The following RBFOX3 variants were observed in gnomAD, a reference collection of about 807,000 sequenced individuals.
RBFOX3 encodes RNA binding protein fox-1 homolog 3.
A neutral mutation model predicts 48.7 loss-of-function variants in RBFOX3; 17 were observed. The observed-to-expected ratio is 0.35, with a 90% CI of 0.24 to 0.52. The LOEUF is 0.52. Ranked by LOEUF, RBFOX3 falls within the 20% of genes least tolerant of loss-of-function variation. The probability of loss-of-function intolerance (pLI) is 0.94; values close to 1 mark genes in which losing one functional copy is unlikely to be tolerated. For missense variants in RBFOX3, 382 were observed against 497.5 expected (o/e 0.77, Z 2.21); for synonymous variants, 212 against 209.5 (o/e 1.01, Z -0.10).
At chr17:79,526,526 A>G (rs2086823622) in intron 1 of RBFOX3, among the ~76,000 whole-genome samples, 1 of 152,092 alleles carries the variant, frequency 6.6e-6, no homozygotes, top group African/African-American at 2.4e-5. Flanking sequence ...CCCCGGACGC[A>G]CTCTTGGACC....
At chr17:79,655,012 A>G in the RBFOX3 span, among the ~76,000 whole-genome samples, 4 of 152,212 alleles carry the variant, frequency 2.6e-5, no homozygotes, top group Non-Finnish European at 5.9e-5. Flanking sequence ...CGACTGGACC[A>G]TGCCATTAGC....
intron 1 of RBFOX3, among the ~76,000 whole-genome samples, chr17:79,562,858 C>T (rs1009985742): frequency 1.0e-3 from 152 of 152,296 alleles, no homozygotes; most frequent in African/African-American, 2.6e-3. Context: ...GTAAGGGGCT[C>T]GTACCCACCC....
intron 1 of RBFOX3, among the ~76,000 whole-genome samples, chr17:79,563,848 G>A (rs941379363): frequency 5.9e-5 from 9 of 152,234 alleles, no homozygotes; most frequent in African/African-American, 2.2e-4. Context: ...AATATTTGTT[G>A]GGTAAACCAG....
the RBFOX3 span, among the ~76,000 whole-genome samples, chr17:79,622,329 C>A: frequency 6.6e-6 from 1 of 152,092 alleles, no homozygotes; most frequent in African/African-American, 2.4e-5. Flanking sequence ...GCATCTGTCA[C>A]GGGGAGTGGC....
chr17:79,299,997 C>T lies in RBFOX3; in HGVS notation c.-74+7727G>A, dbSNP rs983479777. On this transcript the variant is annotated intron_variant, in intron 3 of 14. Coordinates refer to ENST00000693108, the MANE Select transcript of RBFOX3 (RefSeq NM_001350451.2). The surrounding 1 kb of genome is among the most constrained non-coding windows in gnomAD (Gnocchi z 4.5). ...TCGGCTCACTGCAACCTCTGCCTCCCGGGTTCCAGTAATTCTCCCAACTCA... is the reference window on the plus strand; with the variant it reads ...TCGGCTCACTGCAACCTCTGCCTCCTGGGTTCCAGTAATTCTCCCAACTCA... Among the ~76,000 whole-genome samples, 6 of 152,156 alleles carry T rather than the reference C, an allele frequency of 3.9e-5. No individual in the cohort carries two copies. The highest frequency in any genetic ancestry group is 2.1e-4 in the South Asian group (1 of 4,808).
intron 1 of RBFOX3, among the ~76,000 whole-genome samples, chr17:79,570,959 G>A (rs1022161832): frequency 1.6e-4 from 25 of 152,080 alleles, no homozygotes; most frequent in African/African-American, 5.8e-4. Context: ...GAAGGATGAG[G>A]GGGGGCCCCC....
chr17:79,573,367 G>T (rs1322058608), intron 1 of RBFOX3, among the ~76,000 whole-genome samples: 5 of 152,220 alleles, frequency 3.3e-5, no homozygotes, highest in African/African-American at 1.2e-4. Flanking sequence ...ACACCTGTGG[G>T]ACGACTCTGG....
intron 1 of RBFOX3, among the ~76,000 whole-genome samples, chr17:79,553,713 G>T (rs2091358754): frequency 2.0e-5 from 3 of 151,850 alleles, no homozygotes; most frequent in Non-Finnish European, 4.4e-5. Flanking sequence ...TTTTCTTGGG[G>T]TTTTTTTGTT....
At chr17:79,201,124 G>A (rs2056690220) in intron 4 of RBFOX3, among the ~76,000 whole-genome samples, 1 of 151,860 alleles carries the variant, frequency 6.6e-6, no homozygotes, top group Non-Finnish European at 1.5e-5. Flanking sequence ...ACAACAAGAG[G>A]TGCATCAGAT....
At chr17:79,553,936 G>A (rs1306788556) in intron 1 of RBFOX3, among the ~76,000 whole-genome samples, 4 of 152,206 alleles carry the variant, frequency 2.6e-5, no homozygotes, top group African/African-American at 9.6e-5. Flanking sequence ...GTTTCACCAC[G>A]TTGGCCAGAT....
chr17:79,121,973 C>T (rs1490140974), intron 4 of RBFOX3, among the ~76,000 whole-genome samples: 2 of 152,112 alleles, frequency 1.3e-5, no homozygotes, highest in Non-Finnish European at 2.9e-5. Flanking sequence ...GTTTGACGTG[C>T]CCCCAAAGGG....
At chr17:79,590,185 G>T (rs991575470) in intron 1 of RBFOX3, among the ~76,000 whole-genome samples, 1 of 152,096 alleles carries the variant, frequency 6.6e-6, no homozygotes, top group Non-Finnish European at 1.5e-5. Context: ...CTATACCCAG[G>T]ATAAGAACCC....
chr17:79,555,688 G>A (rs975321700), intron 1 of RBFOX3, among the ~76,000 whole-genome samples: 1 of 11,990 alleles, frequency 8.3e-5, no homozygotes, highest in Non-Finnish European at 2.1e-4. Context: ...CATGATGGTG[G>A]TGATGGTGGT....
intron 1 of RBFOX3, among the ~76,000 whole-genome samples, chr17:79,511,509 A>C: frequency 6.6e-6 from 1 of 152,158 alleles, no homozygotes; most frequent in Admixed American, 6.5e-5. Context: ...AAGGGGATGC[A>C]GCAGTTCTGC....
the RBFOX3 span, among the ~76,000 whole-genome samples, chr17:79,649,016 T>C: frequency 1.3e-5 from 2 of 149,372 alleles, no homozygotes; most frequent in African/African-American, 2.5e-5. Flanking sequence ...TCTCACTCTG[T>C]AACCCAGGCT....
chr17:79,095,909 T>A (rs982975044), intron 12 of RBFOX3, among the ~76,000 whole-genome samples: 8 of 152,246 alleles, frequency 5.3e-5, no homozygotes, highest in Non-Finnish European at 1.2e-4. Flanking sequence ...CTCATCTGGC[T>A]GGGTGCTAGG....
intron 1 of RBFOX3, among the ~76,000 whole-genome samples, chr17:79,609,723 C>G (rs2093926672): frequency 6.6e-6 from 1 of 151,726 alleles, no homozygotes; most frequent in East Asian, 2.0e-4. Context: ...CCCAATGCCC[C>G]TCCACGCGGG....
At chr17:79,126,136 C>T (rs2037196757) in intron 4 of RBFOX3, among the ~76,000 whole-genome samples, 1 of 152,236 alleles carries the variant, frequency 6.6e-6, no homozygotes, top group South Asian at 2.1e-4. Flanking sequence ...ATCTGGGACA[C>T]CTCAGACTTC....
chr17:79,129,496 T>TGTAGCAGA (rs2038245765), intron 4 of RBFOX3, among the ~76,000 whole-genome samples: 1 of 103,674 alleles, frequency 9.6e-6, no homozygotes, highest in African/African-American at 3.2e-5. Context: ...CCCCCCAGGC[T>TGTAGCAGA]CCTGCTGAGC....
Sources: gnomAD v4.1 joint callset for allele counts (sites outside exome capture counted in the v4.1 genomes callset) on GRCh38, gnomAD v4.1.1 for gene constraint, Gnocchi (gnomAD v3.1) non-coding constraint, MANE v1.5 for transcripts, NCBI Gene and HGNC (gene_info 2026-07-23, HGNC 2026-07-21) for gene names.